The following NCKAP5 variants were observed in gnomAD, a reference collection of about 807,000 sequenced individuals.
NCKAP5 encodes nck-associated protein 5.
A neutral mutation model predicts 167.0 loss-of-function variants in NCKAP5; 92 were observed. The observed-to-expected ratio is 0.55, with a 90% CI of 0.47 to 0.66. The LOEUF is 0.66. Ranked by LOEUF, NCKAP5 falls within the 30% of genes least tolerant of loss-of-function variation. The pLI is 0.00. For missense variants in NCKAP5, 2,378 were observed against 2,315.0 expected, an observed-to-expected ratio of 1.03 and a Z score of -0.56; for synonymous variants, 891 against 877.4, an observed-to-expected ratio of 1.02 and a Z score of -0.27.
intron 19 of NCKAP5, among the ~76,000 whole-genome samples, chr2:132,723,845 T>G (rs1690187516): frequency 6.6e-6 from 1 of 152,214 alleles, no homozygotes; most frequent in Non-Finnish European, 1.5e-5. Flanking sequence ...GTTTTCTCAA[T>G]ACAGCAGCCA....
At chr2:133,145,545 T>A (rs2083160953) in intron 5 of NCKAP5, among the ~76,000 whole-genome samples, 1 of 151,976 alleles carries the variant, frequency 6.6e-6, no homozygotes, top group African/African-American at 2.4e-5. Flanking sequence ...GCACAATCAA[T>A]CATTAAGTCT....
intron 16 of NCKAP5, among the ~76,000 whole-genome samples, chr2:132,760,346 A>G (rs1680896733): frequency 6.6e-6 from 1 of 152,144 alleles, no homozygotes; most frequent in African/African-American, 2.4e-5. Context: ...CTTGAAGCAT[A>G]GTTTCACTGA....
chr2:133,148,335 T>G (rs2083272302), intron 5 of NCKAP5, among the ~76,000 whole-genome samples: 1 of 152,160 alleles, frequency 6.6e-6, no homozygotes, highest in Non-Finnish European at 1.5e-5. Flanking sequence ...AAGCAGACAC[T>G]CTAAAATTCT....
intron 6 of NCKAP5, among the ~76,000 whole-genome samples, chr2:133,091,153 C>T (rs1345166142): frequency 2.6e-5 from 4 of 152,190 alleles, no homozygotes; most frequent in African/African-American, 4.8e-5. Context: ...CCTCCCTAAC[C>T]ATGCTTCCTG....
At chr2:133,439,419 G>A (rs888534143) in intron 3 of NCKAP5, among the ~76,000 whole-genome samples, 1 of 152,030 alleles carries the variant, frequency 6.6e-6, no homozygotes, top group Admixed American at 6.6e-5. Flanking sequence ...AAGATGTCGG[G>A]GGCAACAGTG....
chr2:133,558,995 C>A (rs1687966525), intron 2 of NCKAP5, 55 bp downstream of exon 2: 1 of 151,924 alleles, frequency 6.6e-6, no homozygotes, highest in African/African-American at 2.4e-5. Context: ...ATAATGAGAA[C>A]AGTATTATTA....
chr2:133,067,771 T>G (rs1669217746), intron 6 of NCKAP5, among the ~76,000 whole-genome samples: 1 of 152,188 alleles, frequency 6.6e-6, no homozygotes, highest in African/African-American at 2.4e-5. Context: ...GAGGAGCTGT[T>G]GCAGACTGTT....
At chr2:133,043,480 C>A (rs2079282836) in intron 6 of NCKAP5, among the ~76,000 whole-genome samples, 1 of 151,998 alleles carries the variant, frequency 6.6e-6, no homozygotes, top group Non-Finnish European at 1.5e-5. Flanking sequence ...TTGTCTTGGA[C>A]CACACATAAA....
intron 3 of NCKAP5, among the ~76,000 whole-genome samples, chr2:133,408,798 C>T (rs1688601840): frequency 6.6e-6 from 1 of 152,176 alleles, no homozygotes; most frequent in African/African-American, 2.4e-5. Context: ...TGTGGCCCTG[C>T]CTCCACCTTG....
At chr2:133,459,439 G>A (rs745933781) in intron 3 of NCKAP5, among the ~76,000 whole-genome samples, 1 of 152,066 alleles carries the variant, frequency 6.6e-6, no homozygotes, top group East Asian at 1.9e-4. Context: ...TTCCTCTGGG[G>A]CCTATCAGAG....
At position 133,547,216 on chromosome 2, in the gene NCKAP5, C is replaced by T. The variant is rs191341955; in HGVS notation, c.-62+11834G>A. Among the ~76,000 whole-genome samples, 940 of 152,286 alleles carry T rather than the reference C, an allele frequency of 6.2e-3. 26 individuals are homozygous for T. Among genetic ancestry groups the T allele is most frequent in the Admixed American group, 0.054 (824 of 15,290 alleles). ...ACGAGATTATATCACACACCTGGCT[C>T]GGAGGGTCCTACGCCCACGGAGTCT... On this transcript the variant is annotated intron_variant, in intron 2 of 19. Coordinates refer to ENST00000409261, the MANE Select transcript of NCKAP5 (RefSeq NM_207363.3).
At chr2:133,101,324 A>C (rs1480344592) in intron 6 of NCKAP5, among the ~76,000 whole-genome samples, 1 of 140,692 alleles carries the variant, frequency 7.1e-6, no homozygotes, top group African/African-American at 2.9e-5. Context: ...TATAGTTTGA[A>C]GTCAGGTAGT....
chr2:133,134,759 T>A (rs1404606795), intron 5 of NCKAP5, among the ~76,000 whole-genome samples: 4 of 152,224 alleles, frequency 2.6e-5, no homozygotes. Context: ...ATTCCTCCAT[T>A]TCCCTGGGTA....
At chr2:133,024,540 C>T (rs1486410444) in intron 6 of NCKAP5, among the ~76,000 whole-genome samples, 1 of 152,130 alleles carries the variant, frequency 6.6e-6, no homozygotes, top group East Asian at 1.9e-4. Context: ...TTCAAAACCT[C>T]ATTTACTTGT....
chr2:133,092,308 G>T (rs909906553), intron 6 of NCKAP5, among the ~76,000 whole-genome samples: 10 of 152,110 alleles, frequency 6.6e-5, no homozygotes, highest in African/African-American at 2.4e-4. Flanking sequence ...GAGGAAGATG[G>T]CCTCATAAAA....
intron 19 of NCKAP5, among the ~76,000 whole-genome samples, chr2:132,696,334 G>A (rs74452512): frequency 0.034 from 5,241 of 152,296 alleles, 308 homozygotes; most frequent in African/African-American, 0.12. Flanking sequence ...CAATTTTTGT[G>A]AGCAGTTAAT....
intron 8 of NCKAP5, among the ~76,000 whole-genome samples, chr2:132,882,327 G>A (rs1019403123): frequency 6.6e-6 from 1 of 152,016 alleles, no homozygotes; most frequent in Non-Finnish European, 1.5e-5. Flanking sequence ...CGCTTTCAGT[G>A]GAAGGATTTT....
chr2:133,318,079 T>A (rs1681742362), intron 3 of NCKAP5, among the ~76,000 whole-genome samples: 1 of 152,210 alleles, frequency 6.6e-6, no homozygotes, highest in East Asian at 1.9e-4. Flanking sequence ...CAGAACCCTT[T>A]TCTCCTTCAA....
chr2:132,995,307 A>T (rs879280707), intron 6 of NCKAP5, among the ~76,000 whole-genome samples: 7 of 152,184 alleles, frequency 4.6e-5, no homozygotes, highest in Non-Finnish European at 1.0e-4. Flanking sequence ...AAGTTATATA[A>T]AATATTTTCT....
Sources: allele counts gnomAD v4.1 joint callset (sites outside exome capture counted in the v4.1 genomes callset), GRCh38; gene constraint gnomAD v4.1.1; transcripts MANE v1.5; gene names NCBI Gene and HGNC (gene_info 2026-07-23, HGNC 2026-07-21).